L3MBTL4: variants seen among roughly 807,000 people sequenced by gnomAD.
L3MBTL4 encodes the protein lethal(3)malignant brain tumor-like protein 4.
Under a neutral mutation model 84.5 loss-of-function variants are expected in L3MBTL4, and 70 were observed. The ratio of observed to expected loss-of-function variants is 0.83; its 90% CI spans 0.68 to 1.01. The LOEUF (loss-of-function observed/expected upper bound fraction) is 1.01. Ranked by LOEUF, L3MBTL4 falls within the 50% of genes least tolerant of loss-of-function variation. The probability of loss-of-function intolerance (pLI) is 0.00; values close to 1 mark genes in which losing one functional copy is unlikely to be tolerated. For missense variants in L3MBTL4, 715 were observed against 754.8 expected (o/e 0.95, Z 0.62); for synonymous variants, 274 against 259.8 (o/e 1.05, Z -0.52).
chr18:6,183,289 A>T (rs2044565797), intron 12 of L3MBTL4, among the ~76,000 whole-genome samples: 1 of 152,198 alleles, frequency 6.6e-6, no homozygotes, highest in African/African-American at 2.4e-5. Context: ...AAGACAAATG[A>T]TCTCCAAATC....
chr18:6,254,947 C>A (rs1158649712), intron 5 of L3MBTL4, among the ~76,000 whole-genome samples: 1 of 152,076 alleles, frequency 6.6e-6, no homozygotes, highest in African/African-American at 2.4e-5. Flanking sequence ...CATTTATGAA[C>A]AAAGAAAAAG....
chr18:6,034,185 T>A (rs1256782291), intron 16 of L3MBTL4, among the ~76,000 whole-genome samples: 1 of 152,116 alleles, frequency 6.6e-6, no homozygotes, highest in East Asian at 1.9e-4. Context: ...TTTAGGTACA[T>A]GTGCACAATG....
intron 9 of L3MBTL4, among the ~76,000 whole-genome samples, chr18:6,238,878 T>G (rs1280261854): frequency 1.3e-5 from 2 of 150,004 alleles, no homozygotes; most frequent in African/African-American, 2.5e-5. Flanking sequence ...GCTATAAAAA[T>G]TATTTTTGCC....
At chr18:6,199,998 A>G (rs1599121428) in intron 12 of L3MBTL4, among the ~76,000 whole-genome samples, 1 of 152,138 alleles carries the variant, frequency 6.6e-6, no homozygotes, top group African/African-American at 2.4e-5. Flanking sequence ...GATGGACAAC[A>G]CCCCTGGAAG....
At chr18:6,318,517 A>AAAAAAAAAAAAAC (rs1568484470) in intron 1 of L3MBTL4, among the ~76,000 whole-genome samples, 3 of 146,386 alleles carry the variant, frequency 2.0e-5, no homozygotes, top group African/African-American at 7.6e-5. Context: ...AAAAAAAAAA[A>AAAAAAAAAAAAAC]AAAAAAAAGA....
At chr18:6,203,292 T>C (rs1343956736) in intron 12 of L3MBTL4, among the ~76,000 whole-genome samples, 1 of 152,174 alleles carries the variant, frequency 6.6e-6, no homozygotes, top group East Asian at 1.9e-4. Context: ...CTGATTGAGG[T>C]AGGATAGCCG....
At chr18:6,239,995 T>C in intron 8 of L3MBTL4, 123 bp from the exon 9 acceptor site, 1 of 877,224 alleles carries the variant, frequency 1.1e-6, no homozygotes, top group South Asian at 1.8e-5. Flanking sequence ...ACTTAGCCTC[T>C]GGACAAAGCC....
chr18:6,408,378 A>G (rs568254231), intron 1 of L3MBTL4, among the ~76,000 whole-genome samples: 1 of 152,352 alleles, frequency 6.6e-6, no homozygotes, highest in Non-Finnish European at 1.5e-5. Context: ...CCCACCAGCA[A>G]GAGCTTATAA....
intron 10 of L3MBTL4, among the ~76,000 whole-genome samples, chr18:6,224,409 G>T (rs2046689764): frequency 6.6e-6 from 1 of 152,176 alleles, no homozygotes; most frequent in Non-Finnish European, 1.5e-5. Flanking sequence ...CACAGACACT[G>T]GTCTTAAAGT....
In L3MBTL4 at chr18:6,052,188, C is replaced by G. The variant is rs1370324712; in HGVS notation, c.1444+28693G>C. 2.6e-5 allele frequency among the ~76,000 whole-genome samples: 4 copies of G among 152,188 alleles called. No homozygotes were observed. In the South Asian group the frequency reaches 6.2e-4, roughly 24 times the overall value. On this transcript the variant is annotated intron_variant, in intron 16 of 18. Coordinates refer to ENST00000317931, the MANE Select transcript of L3MBTL4 (RefSeq NM_001330559.2). ...ATTTCCTTTAAGTCGACTTCATAAG[C>G]ATTTTCTCTTTGATGTTTTGATTTT...
intron 5 of L3MBTL4, among the ~76,000 whole-genome samples, chr18:6,245,908 C>G (rs185165593): frequency 2.0e-5 from 3 of 152,184 alleles, no homozygotes; most frequent in Admixed American, 1.3e-4. Flanking sequence ...TTTTTAAGAA[C>G]TGTTGAAGTT....
At chr18:6,330,312 A>C (rs2051961650) in intron 1 of L3MBTL4, among the ~76,000 whole-genome samples, 1 of 152,222 alleles carries the variant, frequency 6.6e-6, no homozygotes, top group African/African-American at 2.4e-5. Flanking sequence ...AAAAGTCCTA[A>C]ATAGATCCCA....
intron 16 of L3MBTL4, among the ~76,000 whole-genome samples, chr18:6,018,956 G>C (rs1196959094): frequency 6.6e-6 from 1 of 152,138 alleles, no homozygotes; most frequent in Non-Finnish European, 1.5e-5. Context: ...AGGTGAAAGT[G>C]GTTGATAGAA....
chr18:6,062,250 A>G (rs887479958), intron 16 of L3MBTL4, among the ~76,000 whole-genome samples: 5 of 151,920 alleles, frequency 3.3e-5, no homozygotes, highest in Non-Finnish European at 5.9e-5. Context: ...TTTACCGCAT[A>G]CAGAATTATA....
chr18:6,376,677 G>GCA (rs1207841868), intron 1 of L3MBTL4, among the ~76,000 whole-genome samples: 2 of 152,190 alleles, frequency 1.3e-5, no homozygotes, highest in African/African-American at 2.4e-5. Flanking sequence ...GGTTGAGGCT[G>GCA]CAGTGAGCCT....
intron 15 of L3MBTL4, among the ~76,000 whole-genome samples, chr18:6,085,662 T>C (rs565992395): frequency 6.6e-6 from 1 of 152,358 alleles, no homozygotes; most frequent in African/African-American, 2.4e-5. Flanking sequence ...GGTGCCTTGC[T>C]TCCCCTTTGC....
chr18:5,975,264 C>T (rs375478401), intron 16 of L3MBTL4, among the ~76,000 whole-genome samples: 3 of 152,168 alleles, frequency 2.0e-5, no homozygotes, highest in East Asian at 1.9e-4. Flanking sequence ...CCACTAAAAA[C>T]GGAGACCCAT....
chr18:6,263,768 G>A (rs1285149562), intron 5 of L3MBTL4, among the ~76,000 whole-genome samples, 179 bp downstream of exon 5: 3 of 152,172 alleles, frequency 2.0e-5, no homozygotes, highest in Non-Finnish European at 2.9e-5. Context: ...AGGTGGCGGC[G>A]CCGGGCTCCA....
chr18:5,956,390 G>A lies in L3MBTL4; in HGVS notation c.1678-3C>T. On this transcript the variant is annotated splice_region_variant and splice_polypyrimidine_tract_variant and intron_variant, in intron 18 of 18. Coordinates refer to ENST00000317931, the MANE Select transcript of L3MBTL4 (RefSeq NM_001330559.2). The stretch of plus-strand genomic sequence containing the variant: ...AGGAAGGCTTTGCCATCGATCTGCT[G>A]CAAATACATAAATAGACACAAATAA... 2 of 1,613,320 alleles carry A rather than the reference G, an allele frequency of 1.2e-6. No individual in the cohort carries two copies. The highest frequency in any genetic ancestry group is 1.1e-5 in the South Asian group (1 of 90,936).
Sources: allele counts gnomAD v4.1 joint callset (sites outside exome capture counted in the v4.1 genomes callset), GRCh38; gene constraint gnomAD v4.1.1; transcripts MANE v1.5; gene names NCBI Gene and HGNC (gene_info 2026-07-23, HGNC 2026-07-21).